Variants in ARHGEF17 observed in about 807,000 individuals in gnomAD.
ARHGEF17 encodes 164 kDa Rho-specific guanine-nucleotide exchange factor.
In ARHGEF17, 80 loss-of-function variants were observed where a neutral mutation model predicts 174.0. The observed-to-expected ratio is 0.46, with a 90% CI of 0.38 to 0.55. ARHGEF17 has a LOEUF of 0.55. Ranked by LOEUF, ARHGEF17 falls within the 20% of genes least tolerant of loss-of-function variation. ARHGEF17 has a pLI of 0.00. For synonymous variants in ARHGEF17, 1,311 were observed against 1,189.1 expected, an observed-to-expected ratio of 1.10 and a Z score of -2.11; for missense variants, 2,886 against 2,839.7, an observed-to-expected ratio of 1.02 and a Z score of -0.37.
chr11:73,346,743 CGGAGCCCT>C (rs1170395291), intron 1 of ARHGEF17, 132 bp from the exon 2 acceptor site: 11 of 612,750 alleles, frequency 1.8e-5, no homozygotes, highest in Non-Finnish European at 2.1e-5. Flanking sequence ...GGGAACAGCC[CGGAGCCCT>C]GGGCGGCAGG....
intron 1 of ARHGEF17, among the ~76,000 whole-genome samples, chr11:73,332,015 G>A (rs949943004): frequency 6.6e-6 from 1 of 152,208 alleles, no homozygotes; most frequent in Non-Finnish European, 1.5e-5. Flanking sequence ...TGTCAGCCCT[G>A]CGGATATGCC....
At chr11:73,325,460 C>G (rs1333346376) in intron 1 of ARHGEF17, among the ~76,000 whole-genome samples, 1 of 152,232 alleles carries the variant, frequency 6.6e-6, no homozygotes, top group African/African-American at 2.4e-5. Context: ...CAACAGTTCC[C>G]ACACTGTGGG....
chr11:73,309,838 G>A lies in ARHGEF17; in HGVS notation c.1200G>A (p.Lys400=), dbSNP rs536490496. 14 of 1,613,210 alleles carry A rather than the reference G, an allele frequency of 8.7e-6. No individual in the cohort carries two copies. The highest frequency in any genetic ancestry group is 5.5e-5 in the South Asian group (5 of 91,074). The change falls in exon 1 of 21, where the codon AAG becomes AAA. Residue 400 remains lysine (K), a synonymous_variant. Coordinates refer to ENST00000263674, the MANE Select transcript of ARHGEF17 (RefSeq NM_014786.4). ...GTTATTCCAGCACGGAGACCCTCAA[G>A]GACGACGACCTATGGTCTAGTAGGG... ...SSRYSSTETL[K]DDDLWSSRGS...
In ARHGEF17 at chr11:73,310,323, G is replaced by A. The variant is rs1217274759; in HGVS notation, c.1685G>A (p.Ser562Asn). 6.2e-7 allele frequency: 1 copy of A among 1,613,804 alleles called. No individual in the cohort carries two copies. Residue 562 changes from serine (S) to asparagine (N), a missense_variant, in exon 1 of 21, where the codon AGT becomes AAT. This residue lies in a region of ARHGEF17 where 1,728 missense variants were observed against 1,461.2 expected (regional missense o/e 1.18). Coordinates refer to ENST00000263674, the MANE Select transcript of ARHGEF17 (RefSeq NM_014786.4). ...ATGGCCCGCCGCCTGCCCCGCACCAGTGCTCTGAAGTCCAGCTCCTCCGAG... is the reference window on the plus strand; with the variant it reads ...ATGGCCCGCCGCCTGCCCCGCACCAATGCTCTGAAGTCCAGCTCCTCCGAG... ...KPMARRLPRT[S>N]ALKSSSSELL... is the part of the protein sequence containing the mutation.
chr11:73,357,130 A>G lies in ARHGEF17; in HGVS notation c.3997A>G (p.Ser1333Gly), dbSNP rs1347405055. The G allele has an allele frequency of 6.2e-7, 1 of 1,614,090 alleles. No homozygotes were observed. The highest frequency in any genetic ancestry group is 1.7e-5 in the Admixed American group (1 of 60,012). ...AGGCTCCCTGCGGCGCAGCTCCATGAGCCTGTGAGTGGCTGGGCCGGGGTT... is the reference window on the plus strand; with the variant it reads ...AGGCTCCCTGCGGCGCAGCTCCATGGGCCTGTGAGTGGCTGGGCCGGGGTT... ...KSGSLRRSSM[S>G]LYTAASVIDT... Residue 1333 changes from serine to glycine, a missense_variant, in exon 8 of 21, where the codon AGC becomes GGC. Ser to Gly is a moderately conservative substitution (Grantham distance 56). Around this residue, in one of 4 missense-constraint regions of ARHGEF17, gnomAD observed 353 missense variants for 470.3 expected, o/e 0.75. Transcript: ENST00000263674.
intron 9 of ARHGEF17, 102 bp from the exon 10 acceptor site, chr11:73,359,731 TC>T: frequency 9.9e-7 from 1 of 1,013,506 alleles, no homozygotes; most frequent in Non-Finnish European, 1.4e-6. Context: ...GTCAGGTCTC[TC>T]CCCGGCCCAG....
chr11:73,334,824 T>TC (rs1348891376), intron 1 of ARHGEF17, among the ~76,000 whole-genome samples: 2 of 151,860 alleles, frequency 1.3e-5, no homozygotes, highest in Non-Finnish European at 2.9e-5. Flanking sequence ...CTGGATAACT[T>TC]CCGTTCCCAC....
rs200275004 is a variant in ARHGEF17, at chr11:73,352,865, C to T, written c.3306C>T (p.Ser1102=). Residue 1102 remains serine (S), a synonymous_variant, in exon 3 of 21, where the codon TCC becomes TCT. Transcript: ENST00000263674. ...YMQPLKQPEN[S]VLCDPSLVDE... ...AGCCGCTGAAGCAGCCAGAGAACTCCGTGCTCTGTGACCCTTCACTGGTGG... is the reference window on the plus strand; with the variant it reads ...AGCCGCTGAAGCAGCCAGAGAACTCTGTGCTCTGTGACCCTTCACTGGTGG... 8.7e-6 allele frequency: 14 copies of T among 1,613,998 alleles called. No homozygotes were observed. The highest frequency in any genetic ancestry group is 2.2e-5 in the East Asian group (1 of 44,892).
intron 1 of ARHGEF17, among the ~76,000 whole-genome samples, chr11:73,330,916 C>T (rs926538814): frequency 2.0e-5 from 3 of 152,164 alleles, no homozygotes; most frequent in Non-Finnish European, 4.4e-5. Context: ...ATGCCCACTG[C>T]AGCCTGGCAC....
At chr11:73,364,293 GCTCT>G in intron 17 of ARHGEF17, 54 bp downstream of exon 17, 1 of 1,608,856 alleles carries the variant, frequency 6.2e-7, no homozygotes, top group South Asian at 1.1e-5. Flanking sequence ...TGGTGTTGGG[GCTCT>G]CTCCTGGAGA....
intron 1 of ARHGEF17, among the ~76,000 whole-genome samples, chr11:73,313,484 G>A (rs1474121684): frequency 6.6e-6 from 1 of 152,214 alleles, no homozygotes; most frequent in Non-Finnish European, 1.5e-5. Flanking sequence ...CTAAGAGAAG[G>A]CTTTGAGACC....
intron 14 of ARHGEF17, 121 bp from the exon 15 acceptor site, chr11:73,363,085 G>A: frequency 7.4e-7 from 1 of 1,350,150 alleles, no homozygotes; most frequent in Non-Finnish European, 9.9e-7. Context: ...GCAGGCCGGG[G>A]AAGAACAGCT....
At chr11:73,363,121 G>A (rs1865775496) in intron 14 of ARHGEF17, 85 bp from the exon 15 acceptor site, 27 of 1,450,498 alleles carry the variant, frequency 1.9e-5, no homozygotes, top group Non-Finnish European at 2.5e-5. Context: ...GAGGGGCATG[G>A]CCAGGAGGGA....
At chr11:73,312,107 T>C (rs1864848756) in intron 1 of ARHGEF17, among the ~76,000 whole-genome samples, 1 of 152,216 alleles carries the variant, frequency 6.6e-6, no homozygotes, top group Non-Finnish European at 1.5e-5. Flanking sequence ...AGGATTCTTA[T>C]CTTGTCCTTT....
In ARHGEF17 at chr11:73,308,815, C is replaced by G. The variant is rs888509037; in HGVS notation, c.177C>G (p.Ser59=). 3 of 1,349,846 alleles carry G rather than the reference C, an allele frequency of 2.2e-6. No homozygotes were observed. Among genetic ancestry groups the G allele is most frequent in the Non-Finnish European group, 2.8e-6 (3 of 1,057,720 alleles). The allele number at this position is 1,349,846 out of a possible 1,614,324, so 83.6% of individuals were successfully genotyped here. ...AARGQPSRRV[S]KLASGPLAAP... is the part of the protein sequence containing the mutation. Reference sequence around the variant, plus strand: ...GGGGCCAGCCCTCTCGGCGCGTGTCCAAGCTGGCGTCTGGGCCCCTGGCCG... The same window carrying G: ...GGGGCCAGCCCTCTCGGCGCGTGTCGAAGCTGGCGTCTGGGCCCCTGGCCG... Residue 59 remains serine (S), a synonymous_variant, in exon 1 of 21, where the codon TCC becomes TCG. Transcript: ENST00000263674.
chr11:73,324,092 GC>G (rs1865063026), intron 1 of ARHGEF17, among the ~76,000 whole-genome samples: 1 of 152,214 alleles, frequency 6.6e-6, no homozygotes, highest in South Asian at 2.1e-4. Flanking sequence ...TAGGAAAACG[GC>G]CGTGTAGGGC....
At position 73,329,346 on chromosome 11, in the gene ARHGEF17, TATATATATATATATATATATATATATA is replaced by T. The variant is rs1202850750; in HGVS notation, c.3192+17517_3193-17510del. Among the ~76,000 whole-genome samples, 16 of 38,878 alleles carry T rather than the reference TATATATATATATATATATATATATATA, an allele frequency of 4.1e-4. 2 individuals are homozygous for T. Among genetic ancestry groups the T allele is most frequent in the African/African-American group, 2.5e-3 (12 of 4,786 alleles). The allele number at this position is 38,878 out of a possible 152,430, so 25.5% of individuals were successfully genotyped here. A position where few individuals can be genotyped will look rare whatever the true frequency, so the allele number is the denominator to read the frequency against. On this transcript the variant is annotated intron_variant, in intron 1 of 20. Transcript: ENST00000263674. ...TCATATATATATATATATATATATATATATATATATATATATATATATATATATTTTTTTTTTTTTTTTGTATTTTGG... is the reference window on the plus strand; with the variant it reads ...TCATATATATATATATATATATATATTTTTTTTTTTTTTTTTGTATTTTGG...
rs779218653 is a variant in ARHGEF17 at position 73,311,365 on chromosome 11, G to C, written c.2727G>C (p.Leu909=). 2 of 1,613,290 alleles carry C rather than the reference G, an allele frequency of 1.2e-6. No individual in the cohort carries two copies. The highest frequency in any genetic ancestry group is 4.5e-5 in the East Asian group (2 of 44,870). Residue 909 remains leucine, a synonymous_variant, in exon 1 of 21, where the codon CTG becomes CTC. Coordinates refer to ENST00000263674, the MANE Select transcript of ARHGEF17 (RefSeq NM_014786.4). ...GAAACTTTCACCTTGACCCCAAGCT[G>C]GCTGACATTCTGTCCCCGAGGCTAA... is the stretch of plus-strand genomic sequence containing the variant. ...AHRNFHLDPK[L]ADILSPRLIR...
rs1464374484 is a variant in ARHGEF17, at chr11:73,352,816, T to C, written c.3271-14T>C. On this transcript the variant is annotated splice_polypyrimidine_tract_variant and intron_variant, in intron 2 of 20. Coordinates refer to ENST00000263674, the MANE Select transcript of ARHGEF17 (RefSeq NM_014786.4). ...TCTCTGAGGGAGTGTGCACCGACCC[T>C]GTGGGTCCTTCAGGGCTACATGCAG... is the stretch of plus-strand genomic sequence containing the variant. The C allele has an allele frequency of 6.2e-7, 1 of 1,613,600 alleles. No individual in the cohort carries two copies. Among genetic ancestry groups the C allele is most frequent in the South Asian group, 1.1e-5 (1 of 91,080 alleles).
Sources: allele counts gnomAD v4.1 joint callset (sites outside exome capture counted in the v4.1 genomes callset), GRCh38; gene constraint gnomAD v4.1.1; regional missense constraint gnomAD v4.1.1; transcripts MANE v1.5; gene names NCBI Gene and HGNC (gene_info 2026-07-23, HGNC 2026-07-21).